The following LPP variants were observed in gnomAD, a reference collection of about 807,000 sequenced individuals.
The protein encoded by LPP is lipoma-preferred partner.
In LPP, 38 loss-of-function variants were observed where a neutral mutation model predicts 60.4. The ratio of observed to expected loss-of-function variants is 0.63; its 90% confidence interval spans 0.49 to 0.83. The LOEUF is 0.83. Ranked by LOEUF, LPP falls within the 40% of genes least tolerant of loss-of-function variation. LPP has a pLI of 0.00. For missense variants in LPP, 902 were observed against 783.6 expected, an observed-to-expected ratio of 1.15 and a Z score of -1.80; for synonymous variants, 328 against 290.8, an observed-to-expected ratio of 1.13 and a Z score of -1.30.
chr3:188,733,952 G>A (rs1247003589), intron 8 of LPP, among the ~76,000 whole-genome samples: 4 of 152,040 alleles, frequency 2.6e-5, no homozygotes, highest in African/African-American at 9.7e-5. Flanking sequence ...TGCTTTGACT[G>A]TTTTTCCTTT....
chr3:188,593,814 A>G (rs889022700), intron 6 of LPP, among the ~76,000 whole-genome samples: 5 of 152,190 alleles, frequency 3.3e-5, no homozygotes, highest in Non-Finnish European at 5.9e-5. Context: ...CTGTATATGT[A>G]TACACCGTAG....
rs553675341 is a variant in LPP at position 188,609,425 on chromosome 3, C to A, written c.694C>A (p.Pro232Thr). 13 of 1,614,170 alleles carry A rather than the reference C, an allele frequency of 8.1e-6. No individual in the cohort carries two copies. Among genetic ancestry groups the A allele is most frequent in the Admixed American group, 1.7e-5 (1 of 60,016 alleles). The change falls in exon 7 of 12, where the codon CCT (proline) becomes ACT (threonine). Residue 232 changes from proline to threonine, a missense_variant. Transcript: ENST00000617246. This position sits in a 1 kb window ranked among gnomAD's most constrained non-coding sequence, Gnocchi z 6.9. Reference sequence around the variant, plus strand: ...GCAGGTGAAGTCAGCCCAGCCCAGCCCTCATTATATGGCTGCCCCTTCATC... The same window carrying A: ...GCAGGTGAAGTCAGCCCAGCCCAGCACTCATTATATGGCTGCCCCTTCATC... Reference protein sequence around the residue: ...NVQVKSAQPSPHYMAAPSSGQ... With the variant: ...NVQVKSAQPSTHYMAAPSSGQ...
intron 2 of LPP, among the ~76,000 whole-genome samples, chr3:188,327,960 T>C (rs1004782646): frequency 3.3e-5 from 5 of 152,158 alleles, no homozygotes; most frequent in Non-Finnish European, 5.9e-5. Flanking sequence ...AAAAAATAAA[T>C]ATATTTGTGA....
chr3:188,246,509 A>G (rs1355089100), intron 2 of LPP, among the ~76,000 whole-genome samples: 1 of 152,176 alleles, frequency 6.6e-6, no homozygotes, highest in Non-Finnish European at 1.5e-5. Flanking sequence ...CTTATCTGAA[A>G]TCTCTGCTGA....
intron 3 of LPP, among the ~76,000 whole-genome samples, chr3:188,356,247 A>G (rs1767579495): frequency 1.3e-5 from 2 of 152,196 alleles, no homozygotes; most frequent in African/African-American, 4.8e-5. Context: ...GAACATAAAT[A>G]TTATATATGT....
rs190069783 is a variant in LPP, at chr3:188,697,986, G to A, written c.1114-10281G>A. On this transcript the variant is annotated intron_variant, in intron 7 of 11. Transcript: ENST00000617246. ...GCAGACAGGAAATTAGAACCAGTCA[G>A]GGCTGGAGCCGTGGCAACCGAAACT... Among the ~76,000 whole-genome samples the A allele has an allele frequency of 5.9e-5, 9 of 152,298 alleles. No individual in the cohort carries two copies. In the East Asian group the frequency reaches 1.7e-3, roughly 29 times the overall value.
At chr3:188,288,830 C>CG (rs1202412359) in intron 2 of LPP, among the ~76,000 whole-genome samples, 1 of 66,024 alleles carries the variant, frequency 1.5e-5, no homozygotes. Flanking sequence ...CCCCCACCCC[C>CG]ACCCCCCCGC....
In LPP at chr3:188,405,910, C is replaced by T. The variant is rs7640006; in HGVS notation, c.-9-202C>T. On this transcript the variant is annotated intron_variant, in intron 3 of 11. Coordinates refer to ENST00000617246, the MANE Select transcript of LPP (RefSeq NM_001375462.1). ...CTTTCTTTCTTTCTCCTTTTCCTCT[C>T]CTTCCTCCTTTTCCTCCTCCTCTTT... Among the ~76,000 whole-genome samples the T allele has an allele frequency of 0.81, 122,420 of 151,756 alleles. 51,429 individuals are homozygous for T. The highest frequency in any genetic ancestry group is 0.92 in the Non-Finnish European group (62,642 of 67,872).
chr3:188,441,614 T>TTTTC (rs1793937629), intron 4 of LPP, among the ~76,000 whole-genome samples: 1 of 82,190 alleles, frequency 1.2e-5, no homozygotes, highest in African/African-American at 7.5e-5. Context: ...CTTTTCTTTT[T>TTTTC]TTTTTTTTTT....
chr3:188,264,679 A>G (rs1051353593), intron 2 of LPP, among the ~76,000 whole-genome samples: 1 of 152,160 alleles, frequency 6.6e-6, no homozygotes, highest in African/African-American at 2.4e-5. Flanking sequence ...GGGCCTGCCA[A>G]AGCTGACCAG....
At chr3:188,189,172 A>G (rs1385113792) in intron 1 of LPP, among the ~76,000 whole-genome samples, 2 of 152,110 alleles carry the variant, frequency 1.3e-5, no homozygotes, top group Admixed American at 6.5e-5. Flanking sequence ...TGAAGCCTCA[A>G]CCACCTCAGG....
chr3:188,380,873 A>C lies in LPP; in HGVS notation c.-9-25239A>C, dbSNP rs561993412. Among the ~76,000 whole-genome samples, 11 of 152,370 alleles carry C rather than the reference A, an allele frequency of 7.2e-5. No individual in the cohort carries two copies. The South Asian group carries it at 2.1e-3, about 29-fold the overall frequency. On this transcript the variant is annotated intron_variant, in intron 3 of 11. Coordinates refer to ENST00000617246, the MANE Select transcript of LPP (RefSeq NM_001375462.1). ...GTAGAAGACTTGTGTTATCTCATTC[A>C]GTCTTTACAGCCCATTCTCATGGAT...
chr3:188,470,319 C>CACACACACACAA (rs138685539), intron 4 of LPP, among the ~76,000 whole-genome samples: 6 of 148,872 alleles, frequency 4.0e-5, no homozygotes, highest in Admixed American at 6.7e-5. Context: ...CACACACACA[C>CACACACACACAA]GCACACATAA....
chr3:188,244,732 C>G (rs769638622), intron 2 of LPP, among the ~76,000 whole-genome samples: 1 of 152,234 alleles, frequency 6.6e-6, no homozygotes, highest in East Asian at 1.9e-4. Flanking sequence ...CTCTGAGTAA[C>G]CTAGGCTTTT....
intron 3 of LPP, among the ~76,000 whole-genome samples, chr3:188,393,498 C>T (rs914825080): frequency 2.6e-5 from 4 of 152,100 alleles, no homozygotes; most frequent in Admixed American, 6.5e-5. Flanking sequence ...TTGGACTAAA[C>T]GACCAAAACC....
At chr3:188,498,214 TC>T (rs1235834395) in intron 5 of LPP, among the ~76,000 whole-genome samples, 3 of 152,134 alleles carry the variant, frequency 2.0e-5, no homozygotes, top group Non-Finnish European at 2.9e-5. Flanking sequence ...AAATTTACTA[TC>T]TTCACCGTTT....
chr3:188,471,300 G>C (rs1466020643), intron 4 of LPP, among the ~76,000 whole-genome samples: 1 of 152,112 alleles, frequency 6.6e-6, no homozygotes, highest in Non-Finnish European at 1.5e-5. Context: ...TATTCAAAGA[G>C]AGCCATGATA....
chr3:188,494,400 A>G (rs1049326662), intron 5 of LPP, among the ~76,000 whole-genome samples: 5 of 152,146 alleles, frequency 3.3e-5, no homozygotes, highest in Admixed American at 1.3e-4. Context: ...TTGCTTCTCA[A>G]TGACACACTG....
In LPP at chr3:188,874,478, A is replaced by G; in HGVS notation, c.1838A>G (p.Ter613TrpextTer18). ...ACCGCCAAGGCGAGCACTGACCTTTAGATTCAGTCACCTGTTCAGCCGGCA... is the reference window on the plus strand; with the variant it reads ...ACCGCCAAGGCGAGCACTGACCTTTGGATTCAGTCACCTGTTCAGCCGGCA... ...VLTAKASTDL[*>W] is the part of the protein sequence containing the mutation. Residue 613 changes from the stop codon to tryptophan, a stop_lost, in exon 12 of 12, where the codon TAG becomes TGG. Coordinates refer to ENST00000617246, the MANE Select transcript of LPP (RefSeq NM_001375462.1). 1 of 1,613,880 alleles carries G rather than the reference A, an allele frequency of 6.2e-7. No individual in the cohort carries two copies. Among genetic ancestry groups the G allele is most frequent in the South Asian group, 1.1e-5 (1 of 91,060 alleles).
Sources: allele counts gnomAD v4.1 joint callset (sites outside exome capture counted in the v4.1 genomes callset), GRCh38; gene constraint gnomAD v4.1.1; non-coding constraint Gnocchi (gnomAD v3.1); transcripts MANE v1.5; gene names NCBI Gene and HGNC (gene_info 2026-07-23, HGNC 2026-07-21).